The following GABBR2 variants were observed in gnomAD, a reference collection of about 807,000 sequenced individuals.
The protein encoded by GABBR2 is gamma-aminobutyric acid type B receptor subunit 2.
In GABBR2, 23 loss-of-function variants were observed where a neutral mutation model predicts 105.6. The observed-to-expected ratio is 0.22, with a 90% CI of 0.16 to 0.31. The LOEUF (loss-of-function observed/expected upper bound fraction) is 0.31. Among genes scored for constraint, GABBR2 ranks in the 10% least tolerant of loss-of-function variants. The probability of loss-of-function intolerance (pLI) is 1.00; values close to 1 mark genes in which losing one functional copy is unlikely to be tolerated. For missense variants in GABBR2, 734 were observed against 1,245.5 expected, an observed-to-expected ratio of 0.59 and a Z score of 6.18; for synonymous variants, 478 against 499.7, an observed-to-expected ratio of 0.96 and a Z score of 0.58.
At chr9:98,391,052 C>T (rs181139289) in intron 9 of GABBR2, among the ~76,000 whole-genome samples, 62 of 152,258 alleles carry the variant, frequency 4.1e-4, no homozygotes, top group Admixed American at 1.1e-3. Context: ...CATTATTCAT[C>T]CATTCATTGC....
At chr9:98,545,945 C>T (rs142673078) in intron 2 of GABBR2, among the ~76,000 whole-genome samples, 46 of 152,268 alleles carry the variant, frequency 3.0e-4, no homozygotes, top group South Asian at 2.1e-3. Flanking sequence ...TGCCTTGTTT[C>T]GCATAACCAA....
intron 7 of GABBR2, among the ~76,000 whole-genome samples, chr9:98,411,626 A>G (rs1832592671): frequency 6.6e-6 from 1 of 151,972 alleles, no homozygotes; most frequent in Non-Finnish European, 1.5e-5. Flanking sequence ...TAGTGGTACC[A>G]TCATAGCTCA....
chr9:98,610,639 C>A (rs1192984914), intron 1 of GABBR2, among the ~76,000 whole-genome samples: 1 of 152,002 alleles, frequency 6.6e-6, no homozygotes, highest in African/African-American at 2.4e-5. Flanking sequence ...AGATTGGAAC[C>A]CTGCAGACCC....
At chr9:98,447,537 ATGTGTGTGTGTGTGTGTGTG>A (rs58069151) in intron 7 of GABBR2, among the ~76,000 whole-genome samples, 4 of 142,514 alleles carry the variant, frequency 2.8e-5, no homozygotes, top group East Asian at 4.1e-4. Flanking sequence ...ACTAGTATGT[ATGTGTGTGTGTGTGTGTGTG>A]TGTGTGTGTG....
chr9:98,478,426 G>A (rs990766106), intron 5 of GABBR2, among the ~76,000 whole-genome samples: 1 of 152,146 alleles, frequency 6.6e-6, no homozygotes, highest in Non-Finnish European at 1.5e-5. Flanking sequence ...AGTCCTTGAG[G>A]GCAGATTCCA....
At chr9:98,339,024 A>G (rs1203697476) in intron 13 of GABBR2, among the ~76,000 whole-genome samples, 1 of 152,252 alleles carries the variant, frequency 6.6e-6, no homozygotes, top group African/African-American at 2.4e-5. Context: ...CAGGCACAAA[A>G]GTCCATAGAT....
chr9:98,391,789 C>A (rs1323200100), intron 9 of GABBR2, among the ~76,000 whole-genome samples: 1 of 152,134 alleles, frequency 6.6e-6, no homozygotes, highest in African/African-American at 2.4e-5. Context: ...GGGGCCACAG[C>A]TCAGAGTGAG....
chr9:98,384,278 T>C (rs1204329127), intron 11 of GABBR2, among the ~76,000 whole-genome samples: 1 of 152,196 alleles, frequency 6.6e-6, no homozygotes, highest in African/African-American at 2.4e-5. Flanking sequence ...CATGATATTT[T>C]CAACTGAGAG....
At chr9:98,535,972 C>T (rs1828171110) in intron 3 of GABBR2, among the ~76,000 whole-genome samples, 1 of 152,002 alleles carries the variant, frequency 6.6e-6, no homozygotes, top group Non-Finnish European at 1.5e-5. Context: ...CTAATGTAAA[C>T]TCTGGAGTCT....
intron 16 of GABBR2, among the ~76,000 whole-genome samples, chr9:98,299,982 C>T (rs1830442805): frequency 1.3e-5 from 2 of 151,940 alleles, no homozygotes; most frequent in Admixed American, 1.3e-4. Context: ...CCTGTCTCAC[C>T]CTCCTGAGTA....
intron 4 of GABBR2, among the ~76,000 whole-genome samples, chr9:98,493,683 T>C (rs1172063531): frequency 2.0e-5 from 3 of 152,224 alleles, no homozygotes; most frequent in Non-Finnish European, 2.9e-5. Flanking sequence ...TATCCCACAA[T>C]AAATCAGAAA....
At chr9:98,554,229 C>T (rs888453819) in intron 2 of GABBR2, among the ~76,000 whole-genome samples, 3 of 151,970 alleles carry the variant, frequency 2.0e-5, no homozygotes, top group East Asian at 1.9e-4. Flanking sequence ...GGCATGGTGG[C>T]GGGTGCCTGT....
At chr9:98,435,796 CAA>C (rs1825891593) in intron 7 of GABBR2, among the ~76,000 whole-genome samples, 1 of 152,160 alleles carries the variant, frequency 6.6e-6, no homozygotes, top group Admixed American at 6.5e-5. Context: ...AATCTCAACT[CAA>C]AGTCACCTTC....
At chr9:98,298,575 T>A (rs1184395943) in intron 17 of GABBR2, among the ~76,000 whole-genome samples, 1 of 152,218 alleles carries the variant, frequency 6.6e-6, no homozygotes, top group African/African-American at 2.4e-5. Flanking sequence ...TCTGGTAACC[T>A]TTAAAATTTT....
rs758345055 is a variant in GABBR2, at chr9:98,290,643, C to A, written c.2767G>T (p.Ala923Ser). The A allele has an allele frequency of 2.1e-6, 3 of 1,447,654 alleles. No homozygotes were observed. Among genetic ancestry groups the A allele is most frequent in the Non-Finnish European group, 2.7e-6 (3 of 1,104,056 alleles). The allele number at this position is 1,447,654 out of a possible 1,614,324, so 89.7% of individuals were successfully genotyped here. Reference protein sequence around the residue: ...SCVSPCVSPTASPRHRHVPPS... With the variant: ...SCVSPCVSPTSSPRHRHVPPS... Reference sequence around the variant, plus strand: ...GGCACATGTCTGTGGCGGGGGCTGGCGGTGGGGCTGACGCAGGGGCTGACA... The same window carrying A: ...GGCACATGTCTGTGGCGGGGGCTGGAGGTGGGGCTGACGCAGGGGCTGACA... The change falls in exon 19 of 19, where the codon GCC becomes TCC. Residue 923 changes from alanine (A) to serine (S), a missense_variant. Around this residue, in one of 7 missense-constraint regions of GABBR2, gnomAD observed 134 missense variants for 171.2 expected, o/e 0.78. Coordinates refer to ENST00000259455, the MANE Select transcript of GABBR2 (RefSeq NM_005458.8).
intron 9 of GABBR2, among the ~76,000 whole-genome samples, chr9:98,392,147 A>T (rs1832192756): frequency 6.6e-6 from 1 of 152,180 alleles, no homozygotes; most frequent in Non-Finnish European, 1.5e-5. Context: ...GCCTGGGGGC[A>T]GAGCCCGGGG....
intron 2 of GABBR2, among the ~76,000 whole-genome samples, chr9:98,576,922 G>GGATT (rs1828917338): frequency 6.7e-6 from 1 of 149,822 alleles, no homozygotes; most frequent in East Asian, 2.0e-4. Flanking sequence ...ATGGATGGAT[G>GGATT]GATGGATGGA....
At chr9:98,644,890 G>T (rs1830011532) in intron 1 of GABBR2, among the ~76,000 whole-genome samples, 1 of 152,096 alleles carries the variant, frequency 6.6e-6, no homozygotes, top group Non-Finnish European at 1.5e-5. Context: ...CTGATATAAG[G>T]TTGGACTGGC....
chr9:98,438,372 C>G (rs1158638147), intron 7 of GABBR2, among the ~76,000 whole-genome samples: 1 of 152,158 alleles, frequency 6.6e-6, no homozygotes. Context: ...ATTCAACCAG[C>G]CTTCCTGTGT....
Sources: gnomAD v4.1 joint callset for allele counts (sites outside exome capture counted in the v4.1 genomes callset) on GRCh38, gnomAD v4.1.1 for gene constraint, gnomAD v4.1.1 regional missense constraint, MANE v1.5 for transcripts, NCBI Gene and HGNC (gene_info 2026-07-23, HGNC 2026-07-21) for gene names.